Variants in EPHA6 observed in about 807,000 individuals in gnomAD.
EPHA6 encodes EPH receptor A6, also known as ephrin type-A receptor 6.
In EPHA6, 50 loss-of-function variants were observed where a neutral mutation model predicts 112.0. That is an observed-to-expected ratio of 0.45 (90% CI 0.36 to 0.56). The LOEUF (loss-of-function observed/expected upper bound fraction) is 0.56. Ranked by LOEUF, EPHA6 falls within the 20% of genes least tolerant of loss-of-function variation. EPHA6 has a pLI of 0.00. For missense variants in EPHA6, 1,280 were observed against 1,417.4 expected (o/e 0.90, Z 1.56); for synonymous variants, 529 against 490.7 (o/e 1.08, Z -1.03).
chr3:97,181,746 C>G (rs961149863), intron 3 of EPHA6, among the ~76,000 whole-genome samples: 6 of 152,060 alleles, frequency 3.9e-5, no homozygotes, highest in Admixed American at 2.6e-4. Flanking sequence ...GCAGTAGCCA[C>G]ACAATGGTTG....
chr3:97,729,369 C>T (rs112232277), intron 15 of EPHA6, among the ~76,000 whole-genome samples: 7,840 of 152,112 alleles, frequency 0.052, 634 homozygotes, highest in African/African-American at 0.18. Context: ...CTCACAGTTC[C>T]TCATGGCTGG....
At chr3:97,073,170 A>T (rs9852496) in intron 3 of EPHA6, among the ~76,000 whole-genome samples, 20,011 of 152,118 alleles carry the variant, frequency 0.13, 2,202 homozygotes, top group African/African-American at 0.3. Context: ...GAAATTACAG[A>T]TGTATGATGT....
At chr3:96,821,632 C>T (rs1364862902) in intron 1 of EPHA6, among the ~76,000 whole-genome samples, 2 of 151,620 alleles carry the variant, frequency 1.3e-5, no homozygotes, top group Non-Finnish European at 1.5e-5. Flanking sequence ...GTTTCCAGAT[C>T]TGATAGGAAA....
intron 14 of EPHA6, among the ~76,000 whole-genome samples, chr3:97,678,285 GT>G: frequency 6.6e-6 from 1 of 152,160 alleles, no homozygotes; most frequent in South Asian, 2.1e-4. Context: ...AGAGGAAGAT[GT>G]GTTCTCAAAG....
rs149641941 is a variant in EPHA6, at chr3:97,749,487, T to C, written c.*786T>C. 9.2e-5 allele frequency among the ~76,000 whole-genome samples: 14 copies of C among 152,290 alleles called. No individual in the cohort carries two copies. In the East Asian group the frequency reaches 2.3e-3, roughly 25 times the overall value. On this transcript the variant is annotated 3_prime_UTR_variant, in exon 18 of 18. Transcript: ENST00000389672. ...ACCGTAGTATATTTCTCTACTACCT[T>C]ATGAAGACCGCTCCTGGAAAGACCA...
chr3:97,619,965 C>T (rs1308112795), intron 13 of EPHA6, among the ~76,000 whole-genome samples: 1 of 151,986 alleles, frequency 6.6e-6, no homozygotes, highest in African/African-American at 2.4e-5. Flanking sequence ...TCAAGGCAGT[C>T]CTAAGCTAAA....
chr3:97,574,260 G>A (rs1426207253), intron 11 of EPHA6, among the ~76,000 whole-genome samples: 2 of 152,114 alleles, frequency 1.3e-5, no homozygotes, highest in African/African-American at 2.4e-5. Context: ...ATATTGAGCA[G>A]CTAATAGAAT....
chr3:97,076,351 C>T (rs1417813768), intron 3 of EPHA6, among the ~76,000 whole-genome samples: 3 of 152,122 alleles, frequency 2.0e-5, no homozygotes, highest in African/African-American at 7.2e-5. Context: ...ATCAAACCAG[C>T]CACAACATTC....
chr3:97,370,328 GAAATAT>G (rs1448089990), intron 5 of EPHA6, among the ~76,000 whole-genome samples: 1 of 152,066 alleles, frequency 6.6e-6, no homozygotes, highest in South Asian at 2.1e-4. Flanking sequence ...GCCAACTGTA[GAAATAT>G]AAATATAAAT....
chr3:97,254,047 G>A (rs2079225589), intron 5 of EPHA6, among the ~76,000 whole-genome samples: 1 of 151,956 alleles, frequency 6.6e-6, no homozygotes, highest in African/African-American at 2.4e-5. Context: ...AATGTATTGA[G>A]CAGTTTTGAA....
chr3:97,686,627 C>G (rs971873955), intron 14 of EPHA6, among the ~76,000 whole-genome samples: 1 of 152,196 alleles, frequency 6.6e-6, no homozygotes, highest in African/African-American at 2.4e-5. Context: ...TTCTCTACTG[C>G]ATAACACCTT....
chr3:97,547,349 G>A (rs1297330329), intron 11 of EPHA6, among the ~76,000 whole-genome samples: 1 of 152,202 alleles, frequency 6.6e-6, no homozygotes, highest in Non-Finnish European at 1.5e-5. Flanking sequence ...CTGTCTCCCT[G>A]GGTTTCAGCA....
At chr3:97,215,302 T>C (rs1398717021) in intron 3 of EPHA6, among the ~76,000 whole-genome samples, 1 of 152,234 alleles carries the variant, frequency 6.6e-6, no homozygotes, top group East Asian at 1.9e-4. Flanking sequence ...TTCTTATTTT[T>C]TGTTTTATTA....
chr3:96,838,672 C>T (rs536886033), intron 1 of EPHA6, among the ~76,000 whole-genome samples: 1 of 152,032 alleles, frequency 6.6e-6, no homozygotes, highest in East Asian at 1.9e-4. Flanking sequence ...ATAAAAACTT[C>T]TTAGTATTTC....
At chr3:97,486,801 T>TA (rs2091710575) in intron 10 of EPHA6, among the ~76,000 whole-genome samples, 1 of 152,234 alleles carries the variant, frequency 6.6e-6, no homozygotes, top group South Asian at 2.1e-4. Context: ...AGTGTGAACG[T>TA]ATTCCATAGC....
At chr3:97,718,351 T>C (rs1190419858) in intron 14 of EPHA6, among the ~76,000 whole-genome samples, 1 of 152,214 alleles carries the variant, frequency 6.6e-6, no homozygotes, top group Non-Finnish European at 1.5e-5. Context: ...ACTTGCAGTG[T>C]TCTCATTTCT....
intron 5 of EPHA6, among the ~76,000 whole-genome samples, chr3:97,265,238 C>T (rs753689847): frequency 2.6e-5 from 4 of 152,162 alleles, no homozygotes; most frequent in African/African-American, 4.8e-5. Context: ...CCTCCCTGGC[C>T]TGAAGGTGGA....
intron 10 of EPHA6, among the ~76,000 whole-genome samples, chr3:97,503,715 T>C (rs1176283960): frequency 1.3e-5 from 2 of 152,234 alleles, no homozygotes; most frequent in African/African-American, 4.8e-5. Flanking sequence ...AGTTTTACAG[T>C]CTGATGGCAT....
chr3:97,672,771 C>T (rs751720033), intron 14 of EPHA6, among the ~76,000 whole-genome samples: 1 of 151,004 alleles, frequency 6.6e-6, no homozygotes, highest in African/African-American at 2.5e-5. Flanking sequence ...TTATTGTTAC[C>T]ATTTTGCATA....
Sources: gnomAD v4.1 joint callset for allele counts (sites outside exome capture counted in the v4.1 genomes callset) on GRCh38, gnomAD v4.1.1 for gene constraint, MANE v1.5 for transcripts, NCBI Gene and HGNC (gene_info 2026-07-23, HGNC 2026-07-21) for gene names.